The following ATP1B3 variants were observed in gnomAD, a reference collection of about 807,000 sequenced individuals.
The protein encoded by ATP1B3 is sodium/potassium-transporting ATPase subunit beta-3.
ATP1B3 carries 10 observed loss-of-function variants against 30.2 expected under a neutral mutation model. The observed-to-expected ratio is 0.33, with a 90% CI of 0.20 to 0.56. ATP1B3 has a LOEUF of 0.56. Ranked by LOEUF, ATP1B3 falls within the 20% of genes least tolerant of loss-of-function variation. ATP1B3 has a pLI of 0.90. For synonymous variants in ATP1B3, 113 were observed against 117.0 expected, an observed-to-expected ratio of 0.97 and a Z score of 0.22; for missense variants, 238 against 336.7, an observed-to-expected ratio of 0.71 and a Z score of 2.29.
At chr3:141,894,966 C>T (rs753555746) in intron 1 of ATP1B3, among the ~76,000 whole-genome samples, 1 of 152,094 alleles carries the variant, frequency 6.6e-6, no homozygotes, top group Non-Finnish European at 1.5e-5. Flanking sequence ...GCTACAGACA[C>T]GTGAGTAATG....
rs573414606 is a variant in ATP1B3 at position 141,916,095 on chromosome 3, C to T, written c.582+75C>T. 2.3e-3 allele frequency: 3,141 copies of T among 1,364,026 alleles called. 6 individuals carry two copies. Among genetic ancestry groups the T allele is most frequent in the Non-Finnish European group, 2.8e-3 (2,801 of 983,806 alleles). 84.5% of individuals were successfully genotyped at this position (1,364,026 alleles called of 1,614,324 possible). A position where few individuals can be genotyped will look rare whatever the true frequency, so the allele number is the denominator to read the frequency against. On this transcript the variant is annotated intron_variant, in intron 5 of 6. Coordinates refer to ENST00000286371, the MANE Select transcript of ATP1B3 (RefSeq NM_001679.4). ...TACTTTAAAAGTCTAATGATTTAGTCATCTTTTTTTTCTTCCCTGTCACAT... is the reference window on the plus strand; with the variant it reads ...TACTTTAAAAGTCTAATGATTTAGTTATCTTTTTTTTCTTCCCTGTCACAT...
At chr3:141,912,553 G>A (rs1424359093) in intron 3 of ATP1B3, among the ~76,000 whole-genome samples, 2 of 152,128 alleles carry the variant, frequency 1.3e-5, no homozygotes, top group Non-Finnish European at 2.9e-5. Context: ...GAGCCACTGC[G>A]CCTGGCCTGG....
intron 1 of ATP1B3, 100 bp downstream of exon 1, chr3:141,877,010 C>A: frequency 1.1e-6 from 1 of 922,934 alleles, no homozygotes; most frequent in South Asian, 2.2e-5. Context: ...CTCCCAGCGC[C>A]GGGGCTCCCG....
chr3:141,908,785 CTCT>C (rs777911519), intron 3 of ATP1B3, among the ~76,000 whole-genome samples: 21 of 152,214 alleles, frequency 1.4e-4, no homozygotes, highest in Non-Finnish European at 1.5e-4. Flanking sequence ...ACAACTCACT[CTCT>C]TCATATAACC....
intron 5 of ATP1B3, among the ~76,000 whole-genome samples, chr3:141,919,831 C>T (rs957362341): frequency 7.2e-5 from 11 of 151,928 alleles, no homozygotes; most frequent in African/African-American, 2.2e-4. Flanking sequence ...CCCAGCTACT[C>T]GGGAGGCTTA....
chr3:141,879,298 A>G (rs1933670004), intron 1 of ATP1B3, among the ~76,000 whole-genome samples: 2 of 152,026 alleles, frequency 1.3e-5, no homozygotes, highest in East Asian at 1.9e-4. Flanking sequence ...TTTCCTTGGT[A>G]TATATTTATA....
chr3:141,902,249 A>C, intron 1 of ATP1B3: 1 of 1,260,478 alleles, frequency 7.9e-7, no homozygotes, highest in South Asian at 1.2e-5. Context: ...GGAGGGGTAG[A>C]ATGCTAGTCT....
intron 4 of ATP1B3, 92 bp from the exon 5 acceptor site, chr3:141,915,878 A>G: frequency 1.1e-6 from 1 of 919,784 alleles, no homozygotes; most frequent in South Asian, 1.8e-5. Context: ...GTTAATCTCA[A>G]AGTCTTCACC....
intron 1 of ATP1B3, among the ~76,000 whole-genome samples, chr3:141,899,081 G>A (rs2107770649): frequency 6.6e-6 from 1 of 152,324 alleles, no homozygotes; most frequent in South Asian, 2.1e-4. Flanking sequence ...GGTGCAGGGA[G>A]GGAGAGGAAT....
At position 141,888,534 on chromosome 3, in the gene ATP1B3, G is replaced by A. The variant is rs922731562; in HGVS notation, c.109+11624G>A. Among the ~76,000 whole-genome samples the A allele has an allele frequency of 1.2e-4, 18 of 151,820 alleles. 1 individual carries two copies. Among genetic ancestry groups the A allele is most frequent in the Admixed American group, 9.8e-4 (15 of 15,240 alleles). On this transcript the variant is annotated intron_variant, in intron 1 of 6. Coordinates refer to ENST00000286371, the MANE Select transcript of ATP1B3 (RefSeq NM_001679.4). ...TTCCTTTTCATAGCATAATGTATTC[G>A]TCTATTTTCACACTGCTATAAAGAA... is the stretch of plus-strand genomic sequence containing the variant.
At chr3:141,906,728 A>G (rs547377738) in intron 2 of ATP1B3, among the ~76,000 whole-genome samples, 1 of 152,358 alleles carries the variant, frequency 6.6e-6, no homozygotes, top group East Asian at 1.9e-4. Flanking sequence ...TTTTCATTGA[A>G]AAGGAGTTAG....
chr3:141,907,501 C>T (rs1246725948), intron 3 of ATP1B3, among the ~76,000 whole-genome samples: 4 of 152,158 alleles, frequency 2.6e-5, no homozygotes, highest in East Asian at 3.9e-4. Context: ...ATTAGCTGGG[C>T]GTGGTAGCAC....
chr3:141,900,252 A>G (rs1163456970), intron 1 of ATP1B3, among the ~76,000 whole-genome samples: 3 of 152,126 alleles, frequency 2.0e-5, no homozygotes, highest in Non-Finnish European at 4.4e-5. Flanking sequence ...CAAGGAGGGC[A>G]GGAAAGAGGG....
At chr3:141,881,128 G>A (rs1384976784) in intron 1 of ATP1B3, among the ~76,000 whole-genome samples, 2 of 151,668 alleles carry the variant, frequency 1.3e-5, no homozygotes, top group African/African-American at 2.4e-5. Context: ...GCTTGAACCC[G>A]GGAGGTGGAG....
chr3:141,889,745 A>AG (rs1450255903), intron 1 of ATP1B3, among the ~76,000 whole-genome samples: 1 of 103,386 alleles, frequency 9.7e-6, no homozygotes, highest in Non-Finnish European at 1.9e-5. Context: ...AAAAAAAAAA[A>AG]AAAAAATATA....
intron 3 of ATP1B3, among the ~76,000 whole-genome samples, chr3:141,910,452 C>G (rs933942722): frequency 5.3e-5 from 8 of 151,960 alleles, no homozygotes; most frequent in African/African-American, 2.4e-5. Flanking sequence ...TTTCTTAGTT[C>G]ACATGTCTCA....
chr3:141,900,835 T>A (rs547632489), intron 1 of ATP1B3, among the ~76,000 whole-genome samples: 3 of 152,120 alleles, frequency 2.0e-5, no homozygotes, highest in African/African-American at 7.2e-5. Context: ...CAGGTCGGAG[T>A]GCAGTGGCAC....
At chr3:141,898,728 C>T (rs1332972707) in intron 1 of ATP1B3, among the ~76,000 whole-genome samples, 1 of 152,062 alleles carries the variant, frequency 6.6e-6, no homozygotes, top group Non-Finnish European at 1.5e-5. Context: ...CAGTTTGACT[C>T]CCAGGTATAT....
At chr3:141,922,373 C>G (rs934582339) in intron 6 of ATP1B3, among the ~76,000 whole-genome samples, 1 of 152,142 alleles carries the variant, frequency 6.6e-6, no homozygotes, top group African/African-American at 2.4e-5. Context: ...AAAATCAAGG[C>G]CGGGTGCGGT....
Sources: gnomAD v4.1 joint callset for allele counts (sites outside exome capture counted in the v4.1 genomes callset) on GRCh38, gnomAD v4.1.1 for gene constraint, MANE v1.5 for transcripts, NCBI Gene and HGNC (gene_info 2026-07-23, HGNC 2026-07-21) for gene names.